ATXN1: variants seen among roughly 807,000 people sequenced by gnomAD.
The protein encoded by ATXN1 is ataxin-1.
ATXN1 carries 8 observed loss-of-function variants against 56.4 expected under a neutral mutation model. The observed-to-expected ratio is 0.14, with a 90% CI of 0.08 to 0.26. The LOEUF (loss-of-function observed/expected upper bound fraction) is 0.26. Among genes scored for constraint, ATXN1 ranks in the 10% least tolerant of loss-of-function variants. ATXN1 has a pLI of 1.00. For missense variants in ATXN1, 987 were observed against 1,106.5 expected (o/e 0.89, Z 1.53); for synonymous variants, 514 against 494.6 (o/e 1.04, Z -0.52).
chr6:16,761,041 CG>C, intron 1 of ATXN1: 1 of 178,840 alleles, frequency 5.6e-6, no homozygotes, highest in Non-Finnish European at 1.2e-5. Flanking sequence ...AGCCTGGAGC[CG>C]GGGACGGTTG....
intron 2 of ATXN1, among the ~76,000 whole-genome samples, chr6:16,662,331 ACTT>A (rs1319229940): frequency 1.5e-4 from 12 of 79,978 alleles, no homozygotes; most frequent in Non-Finnish European, 2.2e-4. Flanking sequence ...TCTTCATCAA[ACTT>A]CTTTTTTTTT....
At chr6:16,469,417 A>G (rs973817285) in intron 6 of ATXN1, among the ~76,000 whole-genome samples, 1 of 152,228 alleles carries the variant, frequency 6.6e-6, no homozygotes, top group Non-Finnish European at 1.5e-5. Context: ...CAAGGTGCTA[A>G]TATCTTATCT....
intron 6 of ATXN1, among the ~76,000 whole-genome samples, chr6:16,406,267 T>C (rs61683267): frequency 0.04 from 6,133 of 152,246 alleles, 373 homozygotes; most frequent in African/African-American, 0.14. Flanking sequence ...AAATTAATCA[T>C]ACCAAGGAGA....
At chr6:16,607,499 G>A (rs148574095) in intron 3 of ATXN1, among the ~76,000 whole-genome samples, 1,992 of 152,272 alleles carry the variant, frequency 0.013, 16 homozygotes, top group African/African-American at 0.027. Context: ...CAATGTGTCA[G>A]TGTTATATTC....
At chr6:16,707,377 C>G (rs2113448630) in intron 2 of ATXN1, among the ~76,000 whole-genome samples, 1 of 152,290 alleles carries the variant, frequency 6.6e-6, no homozygotes, top group Middle Eastern at 3.4e-3. Flanking sequence ...TCAAACTCCT[C>G]AAATACAACA....
intron 3 of ATXN1, among the ~76,000 whole-genome samples, chr6:16,587,824 G>A (rs775833070): frequency 5.9e-5 from 9 of 151,674 alleles, no homozygotes; most frequent in Admixed American, 6.6e-5. Context: ...CCAGTGACCC[G>A]GGAGGCTGAG....
At chr6:16,595,888 G>C (rs9477184) in intron 3 of ATXN1, among the ~76,000 whole-genome samples, 13,882 of 152,236 alleles carry the variant, frequency 0.091, 2,055 homozygotes, top group African/African-American at 0.31. Context: ...TTTAATCACA[G>C]TGGTGGTGCC....
chr6:16,729,217 A>G (rs1015540873), intron 2 of ATXN1, among the ~76,000 whole-genome samples: 1 of 152,022 alleles, frequency 6.6e-6, no homozygotes, highest in Non-Finnish European at 1.5e-5. Flanking sequence ...TTTCTCTCTC[A>G]CCCTTATTCT....
chr6:16,321,504 CA>C (rs1387733057), intron 7 of ATXN1, among the ~76,000 whole-genome samples: 1 of 152,252 alleles, frequency 6.6e-6, no homozygotes, highest in Non-Finnish European at 1.5e-5. Flanking sequence ...TTTCCTCCCA[CA>C]GCACCTAGGT....
intron 2 of ATXN1, among the ~76,000 whole-genome samples, chr6:16,747,271 G>A (rs1673364514): frequency 1.3e-5 from 2 of 152,136 alleles, no homozygotes; most frequent in Admixed American, 6.5e-5. Flanking sequence ...TGGTTTCACT[G>A]TTCCTTCAGT....
chr6:16,615,060 G>GT (rs1763182604), intron 3 of ATXN1: 2 of 150,120 alleles, frequency 1.3e-5, no homozygotes, highest in African/African-American at 4.9e-5. Context: ...ACTTTTAGGG[G>GT]TGGGGAGGCT....
At chr6:16,614,665 G>T (rs1763171046) in intron 3 of ATXN1, among the ~76,000 whole-genome samples, 2 of 151,754 alleles carry the variant, frequency 1.3e-5, no homozygotes, top group Non-Finnish European at 2.9e-5. Context: ...GCTCATGCCT[G>T]TAACCCCAGC....
chr6:16,412,569 C>T (rs1379502613), intron 6 of ATXN1, among the ~76,000 whole-genome samples: 1 of 152,146 alleles, frequency 6.6e-6, no homozygotes, highest in Non-Finnish European at 1.5e-5. Flanking sequence ...AATTTCATTG[C>T]CAGGCTCCCC....
intron 3 of ATXN1, among the ~76,000 whole-genome samples, chr6:16,655,828 A>T (rs1360856073): frequency 6.6e-6 from 1 of 151,940 alleles, no homozygotes; most frequent in Non-Finnish European, 1.5e-5. Context: ...AGTGGTTCAC[A>T]TCTGTAATCC....
At chr6:16,452,711 T>C (rs1322692476) in intron 6 of ATXN1, among the ~76,000 whole-genome samples, 1 of 152,266 alleles carries the variant, frequency 6.6e-6, no homozygotes, top group East Asian at 1.9e-4. Flanking sequence ...TGCCTCTTCA[T>C]ATCCCTCTTG....
chr6:16,682,648 A>G (rs1004028669), intron 2 of ATXN1, among the ~76,000 whole-genome samples: 1 of 152,200 alleles, frequency 6.6e-6, no homozygotes, highest in African/African-American at 2.4e-5. Context: ...TACATTGCCC[A>G]TGATAAGCCA....
intron 4 of ATXN1, among the ~76,000 whole-genome samples, chr6:16,570,289 C>T (rs745954944): frequency 4.6e-4 from 70 of 152,154 alleles, no homozygotes; most frequent in Non-Finnish European, 8.8e-4. Flanking sequence ...CCAAGAAAGC[C>T]CTCTTATTCC....
intron 4 of ATXN1, among the ~76,000 whole-genome samples, chr6:16,525,533 G>C (rs1561739610): frequency 6.6e-6 from 1 of 152,110 alleles, no homozygotes; most frequent in Non-Finnish European, 1.5e-5. Flanking sequence ...GGGAAGGGTA[G>C]TAGGGGGCTG....
chr6:16,452,102 T>C (rs187096568), intron 6 of ATXN1, among the ~76,000 whole-genome samples: 1 of 152,328 alleles, frequency 6.6e-6, no homozygotes, highest in Admixed American at 6.5e-5. Flanking sequence ...AGATGCCTAC[T>C]ATAGCAAGTA....
Sources: allele counts gnomAD v4.1 joint callset (sites outside exome capture counted in the v4.1 genomes callset), GRCh38; gene constraint gnomAD v4.1.1; transcripts MANE v1.5; gene names NCBI Gene and HGNC (gene_info 2026-07-23, HGNC 2026-07-21).